DNAH12: variants seen among roughly 807,000 people sequenced by gnomAD.
The protein encoded by DNAH12 is axonemal beta dynein heavy chain 12.
Under a neutral mutation model 371.5 loss-of-function variants are expected in DNAH12, and 285 were observed. The ratio of observed to expected loss-of-function variants is 0.77; its 90% CI spans 0.70 to 0.85. DNAH12 has a LOEUF of 0.85. DNAH12 is among the 40% of genes least tolerant of loss of function. DNAH12 has a pLI of 0.00. For synonymous variants in DNAH12, 1,200 were observed against 1,213.0 expected (o/e 0.99, Z 0.22); for missense variants, 3,611 against 3,689.4 (o/e 0.98, Z 0.55).
chr3:57,507,049 T>A (rs993513248), intron 8 of DNAH12, among the ~76,000 whole-genome samples: 1 of 151,768 alleles, frequency 6.6e-6, no homozygotes, highest in Non-Finnish European at 1.5e-5. Flanking sequence ...ATTATCCTTT[T>A]AAATATGCTA....
intron 11 of DNAH12, among the ~76,000 whole-genome samples, chr3:57,499,418 GA>G (rs1433783994): frequency 6.6e-6 from 1 of 150,998 alleles, no homozygotes; most frequent in Admixed American, 6.6e-5. Context: ...AATTAATAAA[GA>G]ATTTTTAAAA....
Position 57,428,800 on chromosome 3 carries a change from C to A in DNAH12, c.5086G>T (p.Gly1696Cys). ...QASPATVSRC[G>C]MIYLEPSQLG... ...TGTGAAGGCTCCAAATAAATCATAC[C>A]ACAACGACTTACAGTGGCAGGCTAG... Residue 1696 changes from glycine to cysteine, a missense_variant, in exon 34 of 74, where the codon GGT becomes TGT. Gly to Cys is a radical substitution (Grantham distance 159). Around this residue, in one of 3 missense-constraint regions of DNAH12, gnomAD observed 2,266 missense variants for 2,236.9 expected, o/e 1.01. Coordinates refer to ENST00000495027, the MANE Select transcript of DNAH12 (RefSeq NM_001366028.2). The A allele has an allele frequency of 1.9e-6, 3 of 1,539,588 alleles. No homozygotes were observed. The highest frequency in any genetic ancestry group is 2.6e-6 in the Non-Finnish European group (3 of 1,143,844).
rs757850167 is a variant in DNAH12, at chr3:57,303,684, T to A, written c.11190-1745A>T. ...CTTATAAAGTGTTGGGGTTATAGTA[T>A]GAGTCACTGAGCCTGGCCAGAACTT... On this transcript the variant is annotated intron_variant, in intron 69 of 73. Transcript: ENST00000495027. Among the ~76,000 whole-genome samples, 137 of 152,154 alleles carry A rather than the reference T, an allele frequency of 9.0e-4. 2 individuals are homozygous for A. The highest frequency in any genetic ancestry group is 3.3e-4 in the Admixed American group (5 of 15,284).
chr3:57,323,883 C>A (rs181206745), intron 62 of DNAH12, among the ~76,000 whole-genome samples: 1 of 152,240 alleles, frequency 6.6e-6, no homozygotes, highest in Admixed American at 6.5e-5. Context: ...ATGAGGGATG[C>A]TCAATGTCAC....
chr3:57,369,504 T>C (rs2063126516), intron 55 of DNAH12, among the ~76,000 whole-genome samples: 1 of 151,784 alleles, frequency 6.6e-6, no homozygotes, highest in Non-Finnish European at 1.5e-5. Flanking sequence ...CTCAAATAAC[T>C]GTGTTCTTTT....
chr3:57,352,800 A>G (rs2062710318), intron 59 of DNAH12, among the ~76,000 whole-genome samples: 2 of 152,148 alleles, frequency 1.3e-5, no homozygotes, highest in Non-Finnish European at 2.9e-5. Context: ...TTAAAAATGC[A>G]TGAAAAGGTC....
chr3:57,413,663 G>A, intron 39 of DNAH12, 83 bp downstream of exon 39: 1 of 1,392,510 alleles, frequency 7.2e-7, no homozygotes, highest in Admixed American at 2.7e-5. Flanking sequence ...TAAATATCTT[G>A]AAAAATGTAT....
At chr3:57,452,535 C>T (rs551971883) in intron 25 of DNAH12, among the ~76,000 whole-genome samples, 5 of 152,160 alleles carry the variant, frequency 3.3e-5, no homozygotes, top group African/African-American at 4.8e-5. Context: ...TCTCCCAAGA[C>T]GCCACTGCAA....
rs2065214275 is a variant in DNAH12, at chr3:57,438,862, C to A, written c.4546-1802G>T. Among the ~76,000 whole-genome samples the A allele has an allele frequency of 2.1e-5, 3 of 139,828 alleles. No individual in the cohort carries two copies. The Admixed American group carries it at 2.3e-4, about 11-fold the overall frequency. 91.7% of individuals were successfully genotyped at this position (139,828 alleles called of 152,430 possible). A position where few individuals can be genotyped will look rare whatever the true frequency, so the allele number is the denominator to read the frequency against. ...CAGCTACTTGGGAGGCTGCAGTAAG[C>A]AGAGATTGTGCCACTGCACTCCAGT... On this transcript the variant is annotated intron_variant, in intron 29 of 73. Coordinates refer to ENST00000495027, the MANE Select transcript of DNAH12 (RefSeq NM_001366028.2).
chr3:57,464,740 C>A (rs916742158), intron 17 of DNAH12, among the ~76,000 whole-genome samples: 1 of 151,786 alleles, frequency 6.6e-6, no homozygotes, highest in Non-Finnish European at 1.5e-5. Flanking sequence ...GACTGATCAA[C>A]AAAAAGGAGA....
chr3:57,420,486 T>C (rs1305281233), intron 36 of DNAH12, among the ~76,000 whole-genome samples: 2 of 152,220 alleles, frequency 1.3e-5, no homozygotes, highest in African/African-American at 4.8e-5. Flanking sequence ...ATTATATATG[T>C]ACATATTTTA....
chr3:57,360,953 G>A (rs1482468306), intron 58 of DNAH12, among the ~76,000 whole-genome samples: 2 of 151,988 alleles, frequency 1.3e-5, no homozygotes, highest in Non-Finnish European at 2.9e-5. Flanking sequence ...CAACCTTTCT[G>A]GGCCCTAGTT....
Position 57,352,230 on chromosome 3 carries a change from A to G in DNAH12, c.9534-5T>C. ...TCCAAAATCTTGGATTTGTTACTAA[A>G]GTTAAAAAGAAGGAAAACGTATTGT... On this transcript the variant is annotated splice_region_variant and splice_polypyrimidine_tract_variant and intron_variant, in intron 59 of 73. Coordinates refer to ENST00000495027, the MANE Select transcript of DNAH12 (RefSeq NM_001366028.2). 1 of 1,530,204 alleles carries G rather than the reference A, an allele frequency of 6.5e-7. No individual in the cohort carries two copies. Among genetic ancestry groups the G allele is most frequent in the Non-Finnish European group, 8.8e-7 (1 of 1,142,308 alleles). The allele number at this position is 1,530,204 out of a possible 1,614,324, so 94.8% of individuals were successfully genotyped here.
At chr3:57,493,575 C>T (rs1002904238) in intron 11 of DNAH12, 1 of 152,016 alleles carries the variant, frequency 6.6e-6, no homozygotes, top group Non-Finnish European at 1.5e-5. Context: ...AAAATAGTTT[C>T]ATGAACCCAT....
chr3:57,311,062 T>A, intron 66 of DNAH12, 112 bp from the exon 67 acceptor site: 2 of 778,636 alleles, frequency 2.6e-6, no homozygotes. Context: ...TATCATGAGT[T>A]GTCTTTCGGT....
intron 13 of DNAH12, among the ~76,000 whole-genome samples, chr3:57,473,407 A>G (rs1019487229): frequency 1.3e-5 from 2 of 151,542 alleles, no homozygotes; most frequent in African/African-American, 4.9e-5. Context: ...AATTGCTTGA[A>G]CCCAGGAGGT....
At chr3:57,421,954 T>G (rs2153361430) in intron 35 of DNAH12, among the ~76,000 whole-genome samples, 1 of 147,170 alleles carries the variant, frequency 6.8e-6, no homozygotes, top group Non-Finnish European at 1.5e-5. Context: ...TTGCCCAGGC[T>G]GGAGTACAGT....
intron 30 of DNAH12, 81 bp downstream of exon 30, chr3:57,436,870 A>C: frequency 9.7e-7 from 1 of 1,033,652 alleles, no homozygotes; most frequent in Non-Finnish European, 1.3e-6. Context: ...TCAGTTTGCC[A>C]AGTCTTTGGT....
chr3:57,521,711 A>G (rs1178141205), intron 4 of DNAH12, among the ~76,000 whole-genome samples: 1 of 151,948 alleles, frequency 6.6e-6, no homozygotes, highest in Admixed American at 6.5e-5. Context: ...ACATGGTGAA[A>G]CCCTGTCTCT....
Sources: allele counts gnomAD v4.1 joint callset (sites outside exome capture counted in the v4.1 genomes callset), GRCh38; gene constraint gnomAD v4.1.1; regional missense constraint gnomAD v4.1.1; transcripts MANE v1.5; gene names NCBI Gene and HGNC (gene_info 2026-07-23, HGNC 2026-07-21).